The following METTL25 variants were observed in gnomAD, a reference collection of about 807,000 sequenced individuals.
METTL25 encodes methyltransferase like 25, also known as probable methyltransferase-like protein 25.
METTL25 carries 64 observed loss-of-function variants against 71.6 expected under a neutral mutation model. The observed-to-expected ratio is 0.89, with a 90% CI of 0.73 to 1.10. METTL25 has a LOEUF of 1.10. METTL25 is among the 50% of genes least tolerant of loss of function. The pLI is 0.00. For synonymous variants in METTL25, 287 were observed against 250.3 expected (o/e 1.15, Z -1.38); for missense variants, 807 against 707.0 (o/e 1.14, Z -1.60).
At chr12:82,449,137 TTAAAAGAAAG>T (rs1890956011) in intron 8 of METTL25, among the ~76,000 whole-genome samples, 1 of 152,216 alleles carries the variant, frequency 6.6e-6, no homozygotes. Context: ...TTCACTTTTA[TTAAAAGAAAG>T]TATACTGATT....
intron 9 of METTL25, among the ~76,000 whole-genome samples, chr12:82,460,730 G>T (rs932231616): frequency 2.0e-5 from 3 of 152,100 alleles, no homozygotes; most frequent in Admixed American, 1.3e-4. Context: ...TTGCAGTGTG[G>T]GTTCCCTGGA....
At chr12:82,388,529 T>A (rs1885262727) in intron 2 of METTL25, among the ~76,000 whole-genome samples, 1 of 151,960 alleles carries the variant, frequency 6.6e-6, no homozygotes. Context: ...TGGCAATAAA[T>A]GAGTGTACCT....
intron 5 of METTL25, among the ~76,000 whole-genome samples, chr12:82,414,888 A>G (rs1182682823): frequency 6.6e-6 from 1 of 152,128 alleles, no homozygotes; most frequent in Non-Finnish European, 1.5e-5. Flanking sequence ...AATTTTCTTC[A>G]TTATCATCCA....
intron 5 of METTL25, among the ~76,000 whole-genome samples, chr12:82,421,445 T>G (rs1241202072): frequency 6.6e-6 from 1 of 152,186 alleles, no homozygotes; most frequent in Non-Finnish European, 1.5e-5. Flanking sequence ...ATTCTGAAAC[T>G]TCATGAGATC....
chr12:82,403,437 G>A (rs1886817186), intron 5 of METTL25, among the ~76,000 whole-genome samples: 1 of 152,104 alleles, frequency 6.6e-6, no homozygotes, highest in South Asian at 2.1e-4. Context: ...TACTTGTGAA[G>A]TATACATTTA....
intron 9 of METTL25, chr12:82,459,793 T>C (rs1269626165): frequency 1.3e-5 from 2 of 152,294 alleles, no homozygotes; most frequent in East Asian, 3.9e-4. Flanking sequence ...TGTTTCAAGC[T>C]TAGGAAGATC....
At chr12:82,359,120 T>C (rs1307331152) in intron 1 of METTL25, among the ~76,000 whole-genome samples, 1 of 152,132 alleles carries the variant, frequency 6.6e-6, no homozygotes, top group African/African-American at 2.4e-5. Context: ...CTAGGGAAAC[T>C]AGGGGAGCAG....
At position 82,399,380 on chromosome 12, in the gene METTL25, A is replaced by T; in HGVS notation, c.1117A>T (p.Ile373Phe). Residue 373 changes from isoleucine (I) to phenylalanine (F), a missense_variant, in exon 4 of 12, where the codon ATT becomes TTT. Transcript: ENST00000248306. ...ITADSELHDI[I>F]KDLEDCLMVG... ...TGCTGATTCAGAACTCCATGACATTATTAAAGATTTGGAGGTGACTTTACC... is the reference window on the plus strand; with the variant it reads ...TGCTGATTCAGAACTCCATGACATTTTTAAAGATTTGGAGGTGACTTTACC... The T allele has an allele frequency of 6.4e-7, 1 of 1,572,772 alleles. No individual in the cohort carries two copies. The highest frequency in any genetic ancestry group is 8.6e-7 in the Non-Finnish European group (1 of 1,164,870).
At chr12:82,391,671 A>G (rs1885597474) in intron 3 of METTL25, among the ~76,000 whole-genome samples, 1 of 151,332 alleles carries the variant, frequency 6.6e-6, no homozygotes, top group Non-Finnish European at 1.5e-5. Flanking sequence ...GCTATTATGA[A>G]TAGTGTTACA....
At chr12:82,408,014 GA>G in intron 5 of METTL25, 1 of 952,140 alleles carries the variant, frequency 1.1e-6, no homozygotes, top group Non-Finnish European at 1.3e-6. Context: ...TAGCTGAGTC[GA>G]ATTTGACACT....
chr12:82,444,936 C>A (rs35279528), intron 8 of METTL25, among the ~76,000 whole-genome samples: 7,860 of 152,032 alleles, frequency 0.052, 292 homozygotes, highest in Non-Finnish European at 0.075. Flanking sequence ...TACCCTGGAA[C>A]AACACAGAGT....
intron 8 of METTL25, among the ~76,000 whole-genome samples, chr12:82,442,546 G>GTATT (rs1427280852): frequency 1.3e-5 from 2 of 152,142 alleles, no homozygotes; most frequent in African/African-American, 2.4e-5. Flanking sequence ...GAATGACAAG[G>GTATT]TATTAGTGGT....
chr12:82,425,692 A>G (rs534288897), intron 5 of METTL25, among the ~76,000 whole-genome samples: 8 of 152,242 alleles, frequency 5.3e-5, no homozygotes, highest in South Asian at 2.1e-4. Context: ...CAAAGCGACT[A>G]AAGATTTAAT....
At chr12:82,434,811 T>A in intron 7 of METTL25, 87 bp downstream of exon 7, 1 of 1,051,814 alleles carries the variant, frequency 9.5e-7, no homozygotes, top group South Asian at 1.3e-5. Flanking sequence ...TAAAACCTAA[T>A]GGAATTTAAT....
chr12:82,406,931 G>GA (rs1195864951), intron 5 of METTL25, among the ~76,000 whole-genome samples: 2 of 146,660 alleles, frequency 1.4e-5, no homozygotes, highest in Non-Finnish European at 3.0e-5. Flanking sequence ...TTAAAATCAA[G>GA]TTTTTTTTTT....
chr12:82,404,358 A>G lies in METTL25; in HGVS notation c.1279+1228A>G, dbSNP rs11115273. ...AGACCAAAAATTAGGGTAAAAAATG[A>G]ACTTAGAAAAAAAAAGTATTTCTAC... On this transcript the variant is annotated intron_variant, in intron 5 of 11. Transcript: ENST00000248306. 2.7e-3 allele frequency among the ~76,000 whole-genome samples: 416 copies of G among 152,236 alleles called. 2 individuals carry two copies. The highest frequency in any genetic ancestry group is 9.5e-3 in the African/African-American group (394 of 41,560).
At chr12:82,456,706 T>G (rs752049656) in intron 8 of METTL25, 21 bp from the exon 9 acceptor site, 82 of 1,434,000 alleles carry the variant, frequency 5.7e-5, no homozygotes, top group Middle Eastern at 2.2e-4. Flanking sequence ...AACTAAAAAT[T>G]TATTCAATTT....
chr12:82,402,334 G>T (rs969549735), intron 4 of METTL25, among the ~76,000 whole-genome samples: 3 of 151,940 alleles, frequency 2.0e-5, no homozygotes, highest in East Asian at 1.9e-4. Context: ...AATCTGAGAC[G>T]TGAAATTAAT....
intron 5 of METTL25, among the ~76,000 whole-genome samples, chr12:82,409,284 C>G (rs968537029): frequency 6.6e-5 from 10 of 152,038 alleles, no homozygotes; most frequent in African/African-American, 2.4e-4. Flanking sequence ...CCTAGGAGAA[C>G]AAGAAATACG....
Sources: allele counts gnomAD v4.1 joint callset (sites outside exome capture counted in the v4.1 genomes callset), GRCh38; gene constraint gnomAD v4.1.1; transcripts MANE v1.5; gene names NCBI Gene and HGNC (gene_info 2026-07-23, HGNC 2026-07-21).